The following SATB2 variants were observed in gnomAD, a reference collection of about 807,000 sequenced individuals.
SATB2 encodes the protein DNA-binding protein SATB2.
SATB2 carries 1 observed loss-of-function variant against 73.4 expected under a neutral mutation model. That is an observed-to-expected ratio of 0.01 (90% CI 0.00 to 0.06). The LOEUF is 0.06. SATB2 is among the 10% of genes least tolerant of loss of function. The probability of loss-of-function intolerance (pLI) is 1.00; values close to 1 mark genes in which losing one functional copy is unlikely to be tolerated. For synonymous variants in SATB2, 397 were observed against 367.0 expected (o/e 1.08, Z -0.93); for missense variants, 459 against 945.8 (o/e 0.49, Z 6.75).
At chr2:199,284,251 T>C (rs1007875318) in intron 10 of SATB2, among the ~76,000 whole-genome samples, 10 of 152,206 alleles carry the variant, frequency 6.6e-5, no homozygotes, top group African/African-American at 2.4e-4. Context: ...TGTGCCAACA[T>C]TTGTAAGGGC....
chr2:199,469,973 A>C (rs1490128166), upstream of SATB2: 1 of 152,518 alleles, frequency 6.6e-6, no homozygotes, highest in Non-Finnish European at 1.5e-5. Flanking sequence ...TTTTCTCTGT[A>C]ACAGCACAGC....
At chr2:199,398,754 T>G (rs1690379149) in intron 3 of SATB2, among the ~76,000 whole-genome samples, 1 of 152,132 alleles carries the variant, frequency 6.6e-6, no homozygotes, top group Non-Finnish European at 1.5e-5. Context: ...GTAAACACAA[T>G]AATAAAGAGC....
chr2:199,403,761 T>C (rs1464436051), intron 3 of SATB2, among the ~76,000 whole-genome samples: 5 of 152,200 alleles, frequency 3.3e-5, no homozygotes, highest in Admixed American at 6.5e-5. Context: ...CCTAAAAGGA[T>C]ATTAAGCAAG....
At chr2:199,398,991 C>A (rs1430972662) in intron 3 of SATB2, among the ~76,000 whole-genome samples, 1 of 152,168 alleles carries the variant, frequency 6.6e-6, no homozygotes, top group Non-Finnish European at 1.5e-5. Flanking sequence ...AAGATTTAGG[C>A]TGGGCACAGT....
intron 5 of SATB2, among the ~76,000 whole-genome samples, chr2:199,372,848 C>T (rs983046206): frequency 6.6e-6 from 1 of 152,012 alleles, no homozygotes; most frequent in Non-Finnish European, 1.5e-5. Context: ...AAGAAAACTA[C>T]GGAACCTAAA....
At chr2:199,439,438 C>T (rs556847671) in intron 2 of SATB2, among the ~76,000 whole-genome samples, 4 of 152,306 alleles carry the variant, frequency 2.6e-5, no homozygotes, top group African/African-American at 7.2e-5. Context: ...TGAGAAGGTC[C>T]GAGGGCTAAC....
At chr2:199,273,022 G>A (rs1052323689) in intron 10 of SATB2, among the ~76,000 whole-genome samples, 3 of 151,954 alleles carry the variant, frequency 2.0e-5, no homozygotes, top group Non-Finnish European at 4.4e-5. Flanking sequence ...AAGAAATTGG[G>A]CACAAAGGGG....
At chr2:199,409,917 A>C (rs1690760161) in intron 3 of SATB2, among the ~76,000 whole-genome samples, 1 of 152,190 alleles carries the variant, frequency 6.6e-6, no homozygotes, top group Admixed American at 6.5e-5. Flanking sequence ...TTTAATTACA[A>C]ATCAACAAAG....
chr2:199,357,180 G>A (rs757776672), intron 6 of SATB2, among the ~76,000 whole-genome samples: 22 of 152,166 alleles, frequency 1.4e-4, no homozygotes, highest in Non-Finnish European at 2.4e-4. Flanking sequence ...CTTTCTTACC[G>A]ATAAGTTTCA....
At chr2:199,351,676 A>T (rs889422911) in intron 6 of SATB2, among the ~76,000 whole-genome samples, 40 of 152,210 alleles carry the variant, frequency 2.6e-4, no homozygotes, top group Admixed American at 1.1e-3. Flanking sequence ...TCACTGAAAA[A>T]AAAGGTAAAG....
chr2:199,288,215 T>C lies in SATB2; in HGVS notation c.1741-15543A>G, dbSNP rs572132988. Among the ~76,000 whole-genome samples the C allele has an allele frequency of 3.7e-4, 56 of 152,314 alleles. 2 individuals are homozygous for C. In the South Asian group the frequency reaches 0.012, roughly 32 times the overall value. On this transcript the variant is annotated intron_variant, in intron 10 of 10. Coordinates refer to ENST00000417098, the MANE Select transcript of SATB2 (RefSeq NM_001172509.2). ...AAAGAGATTTTTACATTTCTATCTC[T>C]GTGTACCATTTTTACAAAGCAGATA... is the stretch of plus-strand genomic sequence containing the variant.
At chr2:199,396,334 T>C (rs1417413884) in intron 3 of SATB2, 1 of 152,238 alleles carries the variant, frequency 6.6e-6, no homozygotes, top group Admixed American at 6.5e-5. Context: ...AATTAATGCT[T>C]CACCCAGGGG....
At chr2:199,459,553 C>G (rs1487552650), upstream of SATB2, 1 of 152,638 alleles carries the variant, frequency 6.6e-6, no homozygotes, top group African/African-American at 2.4e-5. The surrounding 1 kb of genome is among the most constrained non-coding windows in gnomAD (Gnocchi z 4.2). Context: ...TGGACGCATC[C>G]CCGCCGGCCC....
At chr2:199,285,886 T>TTG (rs1692673042) in intron 10 of SATB2, among the ~76,000 whole-genome samples, 2 of 150,930 alleles carry the variant, frequency 1.3e-5, no homozygotes, top group African/African-American at 2.4e-5. Context: ...TGTTTTTTTT[T>TTG]TTTTTTTTTA....
intron 5 of SATB2, among the ~76,000 whole-genome samples, chr2:199,371,657 A>G (rs973239179): frequency 2.6e-5 from 4 of 152,212 alleles, no homozygotes; most frequent in Non-Finnish European, 5.9e-5. Context: ...ATAATTTTGC[A>G]GTTTATGTTG....
At chr2:199,469,028 G>C (rs1692650940), upstream of SATB2, 1 of 152,280 alleles carries the variant, frequency 6.6e-6, no homozygotes, top group South Asian at 2.1e-4. Context: ...ACTGGTCTGC[G>C]TGCCTCACCG....
chr2:199,342,024 A>T (rs920634302), intron 7 of SATB2, among the ~76,000 whole-genome samples: 1 of 152,186 alleles, frequency 6.6e-6, no homozygotes, highest in Non-Finnish European at 1.5e-5. Context: ...CCCTGTTGTC[A>T]TCCTCCTGTA....
chr2:199,370,035 A>G (rs1689396751), intron 5 of SATB2, among the ~76,000 whole-genome samples: 1 of 152,190 alleles, frequency 6.6e-6, no homozygotes, highest in South Asian at 2.1e-4. Context: ...AGCTAATATC[A>G]TCGGAGTGTA....
At chr2:199,305,345 A>AG (rs974480759) in intron 10 of SATB2, among the ~76,000 whole-genome samples, 4 of 151,192 alleles carry the variant, frequency 2.6e-5, no homozygotes, top group Admixed American at 2.0e-4. Flanking sequence ...AGGGGCCGAT[A>AG]GGGGGGTAAA....
Sources: gnomAD v4.1 joint callset for allele counts (sites outside exome capture counted in the v4.1 genomes callset) on GRCh38, gnomAD v4.1.1 for gene constraint, Gnocchi (gnomAD v3.1) non-coding constraint, MANE v1.5 for transcripts, NCBI Gene and HGNC (gene_info 2026-07-23, HGNC 2026-07-21) for gene names.